UNC5C: variants seen among roughly 807,000 people sequenced by gnomAD.
The protein encoded by UNC5C is netrin receptor UNC5C.
UNC5C carries 47 observed loss-of-function variants against 99.8 expected under a neutral mutation model. The ratio of observed to expected loss-of-function variants is 0.47; its 90% CI spans 0.37 to 0.60. The LOEUF is 0.60. UNC5C is among the 20% of genes least tolerant of loss of function. UNC5C has a pLI of 0.00. For missense variants in UNC5C, 1,062 were observed against 1,165.9 expected, an observed-to-expected ratio of 0.91 and a Z score of 1.30; for synonymous variants, 487 against 452.2, an observed-to-expected ratio of 1.08 and a Z score of -0.98.
At chr4:95,490,618 A>T (rs1354970173) in intron 1 of UNC5C, among the ~76,000 whole-genome samples, 1 of 151,680 alleles carries the variant, frequency 6.6e-6, no homozygotes, top group Non-Finnish European at 1.5e-5. Context: ...AAATGGAAAA[A>T]AATTATCATT....
At chr4:95,520,221 T>A (rs560093263) in intron 1 of UNC5C, among the ~76,000 whole-genome samples, 1 of 152,322 alleles carries the variant, frequency 6.6e-6, no homozygotes, top group East Asian at 1.9e-4. Flanking sequence ...TAAAATATAT[T>A]TGTAAGTATA....
intron 1 of UNC5C, among the ~76,000 whole-genome samples, chr4:95,453,352 G>GCCAAAT (rs1747328305): frequency 6.6e-6 from 1 of 151,914 alleles, no homozygotes; most frequent in African/African-American, 2.4e-5. Context: ...TGCTAATAAA[G>GCCAAAT]CCAAATGTTG....
At chr4:95,483,306 C>T (rs879803540) in intron 1 of UNC5C, among the ~76,000 whole-genome samples, 7 of 151,720 alleles carry the variant, frequency 4.6e-5, no homozygotes, top group East Asian at 3.9e-4. Context: ...CTTCCTTTTG[C>T]GACTATTAAA....
At chr4:95,375,378 A>C (rs920331316) in intron 1 of UNC5C, among the ~76,000 whole-genome samples, 1 of 152,168 alleles carries the variant, frequency 6.6e-6, no homozygotes, top group African/African-American at 2.4e-5. Context: ...ACTTCCAAAC[A>C]GGGTAAAAAA....
In UNC5C at chr4:95,169,348, A is replaced by G. The variant is rs767314057; in HGVS notation, c.2682T>C (p.Asp894=). 4 of 1,614,216 alleles carry G rather than the reference A, an allele frequency of 2.5e-6. No homozygotes were observed. In the Admixed American group the frequency reaches 6.7e-5, roughly 27 times the overall value. Residue 894 remains aspartate, a synonymous_variant, in exon 16 of 16, where the codon GAT becomes GAC. Coordinates refer to ENST00000453304, the MANE Select transcript of UNC5C (RefSeq NM_003728.4). ...TKSSPTGVIL[D]LWEAQNFPDG... ...CTGGGAAGTTCTGTGCTTCCCAAAGATCCAGGATTACGCCAGTTGGGCTGG... is the reference window on the plus strand; with the variant it reads ...CTGGGAAGTTCTGTGCTTCCCAAAGGTCCAGGATTACGCCAGTTGGGCTGG...
chr4:95,372,775 C>T (rs1279585642), intron 1 of UNC5C, among the ~76,000 whole-genome samples: 1 of 152,154 alleles, frequency 6.6e-6, no homozygotes, highest in Non-Finnish European at 1.5e-5. Context: ...GAGAGATTTT[C>T]TTGCTCTGCT....
chr4:95,356,584 G>T (rs983035733), intron 1 of UNC5C, among the ~76,000 whole-genome samples: 4 of 152,100 alleles, frequency 2.6e-5, no homozygotes, highest in Non-Finnish European at 5.9e-5. Context: ...AAGTTGTAAA[G>T]ACATCATACA....
At chr4:95,330,524 G>A (rs1743069988) in intron 2 of UNC5C, among the ~76,000 whole-genome samples, 1 of 151,818 alleles carries the variant, frequency 6.6e-6, no homozygotes, top group Non-Finnish European at 1.5e-5. Flanking sequence ...ATCTTTTACT[G>A]CATTTTAATT....
intron 14 of UNC5C, among the ~76,000 whole-genome samples, chr4:95,174,827 G>A (rs13143514): frequency 0.55 from 74,634 of 136,706 alleles, 20,592 homozygotes; most frequent in Middle Eastern, 0.68. Flanking sequence ...TGATCTGTCT[G>A]ATGTTGACAG....
At chr4:95,247,828 C>T (rs1739557518) in intron 5 of UNC5C, 1 of 152,212 alleles carries the variant, frequency 6.6e-6, no homozygotes, top group Non-Finnish European at 1.5e-5. Context: ...TATAATACAA[C>T]TATATATAGT....
intron 1 of UNC5C, among the ~76,000 whole-genome samples, chr4:95,375,315 C>T (rs1426808631): frequency 2.0e-5 from 3 of 151,994 alleles, no homozygotes; most frequent in Non-Finnish European, 4.4e-5. Context: ...AAACCAATAT[C>T]AAAGTAGTTT....
At chr4:95,336,150 G>C (rs1743328330) in intron 1 of UNC5C, among the ~76,000 whole-genome samples, 1 of 151,854 alleles carries the variant, frequency 6.6e-6, no homozygotes, top group Non-Finnish European at 1.5e-5. Context: ...AGATGTCATT[G>C]TGTGAAATAT....
chr4:95,537,191 C>A (rs1035029466), intron 1 of UNC5C, among the ~76,000 whole-genome samples: 2 of 151,880 alleles, frequency 1.3e-5, no homozygotes, highest in African/African-American at 2.4e-5. Context: ...AGATGTGATG[C>A]CTCTGGTTAG....
At chr4:95,189,981 C>G (rs1170906015) in intron 12 of UNC5C, among the ~76,000 whole-genome samples, 2 of 152,136 alleles carry the variant, frequency 1.3e-5, no homozygotes, top group Non-Finnish European at 2.9e-5. Context: ...CCCAGCCATC[C>G]CATTACTGGG....
At chr4:95,206,851 A>G (rs1213840479) in intron 10 of UNC5C, 55 bp from the exon 11 acceptor site, 7 of 1,366,330 alleles carry the variant, frequency 5.1e-6, no homozygotes, top group Non-Finnish European at 6.7e-6. Flanking sequence ...TTCATGAACT[A>G]TGCACTTGGG....
At chr4:95,337,522 C>T (rs905794285) in intron 1 of UNC5C, among the ~76,000 whole-genome samples, 3 of 151,844 alleles carry the variant, frequency 2.0e-5, no homozygotes, top group Non-Finnish European at 4.4e-5. Flanking sequence ...TTGTAAACTA[C>T]TGAAAAGACA....
At chr4:95,482,056 T>A (rs969214158) in intron 1 of UNC5C, among the ~76,000 whole-genome samples, 2 of 152,034 alleles carry the variant, frequency 1.3e-5, no homozygotes, top group Non-Finnish European at 2.9e-5. Context: ...GAAACTACCA[T>A]CAGAGTGAAC....
At chr4:95,376,353 T>C (rs1744895773) in intron 1 of UNC5C, among the ~76,000 whole-genome samples, 1 of 152,108 alleles carries the variant, frequency 6.6e-6, no homozygotes, top group African/African-American at 2.4e-5. Context: ...AAGCAGGTTA[T>C]ATGATATTAG....
intron 2 of UNC5C, among the ~76,000 whole-genome samples, chr4:95,322,482 A>G (rs1250361456): frequency 6.6e-6 from 1 of 152,230 alleles, no homozygotes; most frequent in Non-Finnish European, 1.5e-5. Context: ...AAAAAGCTTT[A>G]CAAAATATAA....
Sources: allele counts gnomAD v4.1 joint callset (sites outside exome capture counted in the v4.1 genomes callset), GRCh38; gene constraint gnomAD v4.1.1; transcripts MANE v1.5; gene names NCBI Gene and HGNC (gene_info 2026-07-23, HGNC 2026-07-21).